RANBP3: variants seen among roughly 807,000 people sequenced by gnomAD.
The protein encoded by RANBP3 is RAN binding protein 3, also known as ran-binding protein 3.
Under a neutral mutation model 77.3 loss-of-function variants are expected in RANBP3, and 14 were observed. That is an observed-to-expected ratio of 0.18 (90% confidence interval 0.12 to 0.28). RANBP3 has a LOEUF of 0.28. Among genes scored for constraint, RANBP3 ranks in the 10% least tolerant of loss-of-function variants. RANBP3 has a pLI of 1.00. For missense variants in RANBP3, 586 were observed against 752.3 expected (o/e 0.78, Z 2.59); for synonymous variants, 315 against 312.4 (o/e 1.01, Z -0.09).
chr19:5,932,404 G>A lies in RANBP3; in HGVS notation c.565+48C>T, dbSNP rs373929420. Reference sequence around the variant, plus strand: ...CTGTCCCGGGTGCGACTTCGGGAACGCTCTACCCTGCCGTCTGGGCCTGGG... The same window carrying A: ...CTGTCCCGGGTGCGACTTCGGGAACACTCTACCCTGCCGTCTGGGCCTGGG... On this transcript the variant is annotated intron_variant, in intron 7 of 16. Transcript: ENST00000340578. The A allele has an allele frequency of 2.0e-5, 31 of 1,529,336 alleles. No homozygotes were observed. In the African/African-American group the frequency reaches 2.9e-4, roughly 14 times the overall value. The allele number at this position is 1,529,336 out of a possible 1,614,324, so 94.7% of individuals were successfully genotyped here.
In RANBP3 at chr19:5,917,873, C is replaced by G; in HGVS notation, c.1581G>C (p.Glu527Asp). The G allele has an allele frequency of 6.2e-7, 1 of 1,612,834 alleles. No homozygotes were observed. The highest frequency in any genetic ancestry group is 1.3e-5 in the African/African-American group (1 of 75,062). The change falls in exon 16 of 17, where the codon GAG becomes GAC. Residue 527 changes from glutamate (E) to aspartate (D), a missense_variant. Glu to Asp is a conservative substitution (Grantham distance 45, BLOSUM62 2). Around this residue, in one of 5 missense-constraint regions of RANBP3, gnomAD observed 128 missense variants for 157.0 expected, o/e 0.82. Transcript: ENST00000340578. Reference protein sequence around the residue: ...QEQEAKMPAPEPGAAPSNEED... With the variant: ...QEQEAKMPAPDPGAAPSNEED... ...CCTCGTTGGATGGGGCTGCCCCAGG[C>G]TCAGGCGCGGGCATCTTGGCCTCCT...
chr19:5,967,943 G>A (rs1006442987), intron 1 of RANBP3, among the ~76,000 whole-genome samples: 14 of 152,282 alleles, frequency 9.2e-5, no homozygotes, highest in African/African-American at 3.4e-4. Context: ...CTTGAACCCA[G>A]GAGGTGGAGG....
Position 5,918,527 on chromosome 19 carries a change from T to A in RANBP3, c.1442A>T (p.Glu481Val), listed in dbSNP as rs1230061404. Residue 481 changes from glutamate (E) to valine (V), a missense_variant, in exon 15 of 17, where the codon GAG becomes GTG. By Grantham distance (121) the Glu-to-Val change is moderately radical. Coordinates refer to ENST00000340578, the MANE Select transcript of RANBP3 (RefSeq NM_007322.3). The part of the protein sequence containing the change: ...KSIRITAMDT[E>V]DQGVKVFLIS... The stretch of plus-strand genomic sequence containing the variant: ...CAGGAAGACCTTCACGCCCTGGTCC[T>A]CGGTGTCCATGGCTGTGATGCGAAT... 6.2e-7 allele frequency: 1 copy of A among 1,611,992 alleles called. No homozygotes were observed. Among genetic ancestry groups the A allele is most frequent in the South Asian group, 1.1e-5 (1 of 90,984 alleles).
chr19:5,973,185 T>C (rs2058550274), intron 1 of RANBP3, among the ~76,000 whole-genome samples: 1 of 152,204 alleles, frequency 6.6e-6, no homozygotes, highest in Non-Finnish European at 1.5e-5. Context: ...AAAAGTTGTT[T>C]AAGATAGGTT....
At position 5,917,237 on chromosome 19, in the gene RANBP3, G is replaced by A. The variant is rs777603121; in HGVS notation, c.*373C>T. The A allele has an allele frequency of 2.3e-5, 8 of 349,516 alleles. No homozygotes were observed. The highest frequency in any genetic ancestry group is 3.8e-5 in the Non-Finnish European group (7 of 184,358). 21.7% of individuals were successfully genotyped at this position (349,516 alleles called of 1,614,324 possible). On this transcript the variant is annotated 3_prime_UTR_variant, in exon 17 of 17. Transcript: ENST00000340578. Reference sequence around the variant, plus strand: ...GGCCCCACAGCAGGGTGGGAAGGGTGTGGGTGGCGGAGAAGCCAGGGGCTC... The same window carrying A: ...GGCCCCACAGCAGGGTGGGAAGGGTATGGGTGGCGGAGAAGCCAGGGGCTC...
At chr19:5,968,334 T>C (rs1364025918) in intron 1 of RANBP3, among the ~76,000 whole-genome samples, 1 of 152,198 alleles carries the variant, frequency 6.6e-6, no homozygotes, top group Non-Finnish European at 1.5e-5. Flanking sequence ...TACTTGCGGT[T>C]GGGATCCCAG....
At chr19:5,941,594 A>G (rs1318258840) in intron 5 of RANBP3, 27 bp downstream of exon 5, 4 of 1,580,588 alleles carry the variant, frequency 2.5e-6, no homozygotes, top group Non-Finnish European at 3.5e-6. Context: ...AAACGCTTTC[A>G]CCATTCCGTA....
intron 3 of RANBP3, among the ~76,000 whole-genome samples, chr19:5,944,623 T>C (rs543421865): frequency 1.6e-4 from 25 of 152,344 alleles, no homozygotes; most frequent in African/African-American, 5.8e-4. Flanking sequence ...GGGTAACCCA[T>C]GCCCTCCAGA....
rs763303429 is a variant in RANBP3 at position 5,917,787 on chromosome 19, G to A, written c.1660+7C>T. On this transcript the variant is annotated splice_region_variant and intron_variant, in intron 16 of 16. Transcript: ENST00000340578. ...ATCCCCCCCAGGGTAGGGACCACCC[G>A]ACTCACCAGCTGCGGTGGCCCCTGA... 1.1e-5 allele frequency: 18 copies of A among 1,604,676 alleles called. No individual in the cohort carries two copies. The highest frequency in any genetic ancestry group is 4.0e-5 in the African/African-American group (3 of 74,834).
Position 5,977,124 on chromosome 19 carries a change from C to G in RANBP3, c.22+937G>C, listed in dbSNP as rs151123578. On this transcript the variant is annotated intron_variant, in intron 1 of 16. Coordinates refer to ENST00000340578, the MANE Select transcript of RANBP3 (RefSeq NM_007322.3). ...CATTACTGCAATTCGGTAGGGAAAA[C>G]CCTCCAGTCACAGGGAGCACCGAAT... Among the ~76,000 whole-genome samples, 907 of 152,290 alleles carry G rather than the reference C, an allele frequency of 6.0e-3. 7 individuals carry two copies. Among genetic ancestry groups the G allele is most frequent in the African/African-American group, 0.021 (871 of 41,548 alleles).
chr19:5,931,341 G>A, intron 8 of RANBP3, 63 bp downstream of exon 8: 1 of 1,544,940 alleles, frequency 6.5e-7, no homozygotes. Flanking sequence ...ATGCTGGGAA[G>A]GCTGCCCTCC....
chr19:5,937,979 A>G (rs2058088058), intron 5 of RANBP3, among the ~76,000 whole-genome samples: 1 of 152,182 alleles, frequency 6.6e-6, no homozygotes. Context: ...CTGCTAAGCG[A>G]CACCCCAGGA....
intron 2 of RANBP3, among the ~76,000 whole-genome samples, chr19:5,955,364 A>G (rs947594776): frequency 3.3e-5 from 5 of 152,122 alleles, no homozygotes; most frequent in African/African-American, 4.8e-5. Flanking sequence ...TCGGCCTCCC[A>G]AAGTGCTGGG....
intron 1 of RANBP3, among the ~76,000 whole-genome samples, chr19:5,961,028 T>C (rs2058393425): frequency 6.6e-6 from 1 of 152,192 alleles, no homozygotes; most frequent in South Asian, 2.1e-4. Context: ...CTCCCATCTC[T>C]TGTTCCTGTA....
At position 5,924,334 on chromosome 19, in the gene RANBP3, T is replaced by G. The variant is rs558897159; in HGVS notation, c.997-420A>C. ...AATCAGGAAGAAAAAGGAACATGTG[T>G]AAAGAGGTAGGCAAACCATTCTAGA... On this transcript the variant is annotated intron_variant, in intron 11 of 16. Coordinates refer to ENST00000340578, the MANE Select transcript of RANBP3 (RefSeq NM_007322.3). This position sits in a 1 kb window ranked among gnomAD's most constrained non-coding sequence, Gnocchi z 4.7. Among the ~76,000 whole-genome samples, 6 of 152,256 alleles carry G rather than the reference T, an allele frequency of 3.9e-5. No homozygotes were observed. In the South Asian group the frequency reaches 1.2e-3, roughly 32 times the overall value.
Position 5,933,448 on chromosome 19 carries a change from T to C in RANBP3, c.438A>G (p.Pro146=), listed in dbSNP as rs770135530. The C allele has an allele frequency of 5.0e-6, 8 of 1,613,352 alleles. No individual in the cohort carries two copies. The South Asian group carries it at 7.7e-5, about 16-fold the overall frequency. The change falls in exon 6 of 17, where the codon CCA becomes CCG. Residue 146 remains proline, a synonymous_variant. Coordinates refer to ENST00000340578, the MANE Select transcript of RANBP3 (RefSeq NM_007322.3). ...EERSSGFRLK[P]PTLIHGQAPS... ...GGGCTTGGCCGTGGATCAGCGTTGG[T>C]GGCTTCAACCGGAAGCCACTGCTCC... is the stretch of plus-strand genomic sequence containing the variant.
intron 1 of RANBP3, among the ~76,000 whole-genome samples, chr19:5,961,238 T>C (rs1207157674): frequency 1.4e-5 from 2 of 138,554 alleles, no homozygotes; most frequent in Non-Finnish European, 3.1e-5. Context: ...GGTCAGGAGA[T>C]TGAGACCATC....
chr19:5,951,409 G>C lies in RANBP3; in HGVS notation c.266C>G (p.Pro89Arg). 1 of 1,563,244 alleles carries C rather than the reference G, an allele frequency of 6.4e-7. No individual in the cohort carries two copies. Among genetic ancestry groups the C allele is most frequent in the Non-Finnish European group, 8.7e-7 (1 of 1,152,802 alleles). The part of the protein sequence containing the change: ...PAPEAQLPPF[P>R]RELAGRSAGG... ...TGGACTTACCCCTGCCAGTTCTCGC[G>C]GAAAAGGAGGAAGCTGGGCTTCAGG... Residue 89 changes from proline (P) to arginine (R), a missense_variant, in exon 3 of 17, where the codon CCG (proline) becomes CGG (arginine). This residue lies in a region of RANBP3 where 172 missense variants were observed against 183.4 expected (regional missense o/e 0.94). Coordinates refer to ENST00000340578, the MANE Select transcript of RANBP3 (RefSeq NM_007322.3).
intron 1 of RANBP3, among the ~76,000 whole-genome samples, chr19:5,977,194 G>A (rs571968949): frequency 6.6e-6 from 1 of 152,212 alleles, no homozygotes; most frequent in East Asian, 1.9e-4. Context: ...CTGCATTTGT[G>A]CAACTAGAAA....
Sources: gnomAD v4.1 joint callset for allele counts (sites outside exome capture counted in the v4.1 genomes callset) on GRCh38, gnomAD v4.1.1 for gene constraint, gnomAD v4.1.1 regional missense constraint, Gnocchi (gnomAD v3.1) non-coding constraint, MANE v1.5 for transcripts, NCBI Gene and HGNC (gene_info 2026-07-23, HGNC 2026-07-21) for gene names.